The following RGS7BP variants were observed in gnomAD, a reference collection of about 807,000 sequenced individuals.
RGS7BP encodes regulator of G protein signaling 7 binding protein.
Under a neutral mutation model 31.3 loss-of-function variants are expected in RGS7BP, and 9 were observed. The ratio of observed to expected loss-of-function variants is 0.29; its 90% CI spans 0.17 to 0.50. The LOEUF is 0.50. Ranked by LOEUF, RGS7BP falls within the 20% of genes least tolerant of loss-of-function variation. RGS7BP has a pLI of 0.98. For synonymous variants in RGS7BP, 115 were observed against 120.1 expected (o/e 0.96, Z 0.28); for missense variants, 274 against 322.0 (o/e 0.85, Z 1.14).
chr5:64,551,420 G>A (rs905833640), intron 2 of RGS7BP, among the ~76,000 whole-genome samples: 1 of 151,264 alleles, frequency 6.6e-6, no homozygotes, highest in Non-Finnish European at 1.5e-5. Context: ...GTGCCATGAC[G>A]CCTGCTTAAT....
chr5:64,584,731 A>G (rs942474238), intron 3 of RGS7BP, among the ~76,000 whole-genome samples: 13 of 152,210 alleles, frequency 8.5e-5, no homozygotes, highest in African/African-American at 2.9e-4. Flanking sequence ...ATGGTTTTGT[A>G]TCTCTTCTGA....
intron 3 of RGS7BP, among the ~76,000 whole-genome samples, chr5:64,577,219 A>G (rs1258586840): frequency 1.3e-5 from 2 of 152,038 alleles, no homozygotes; most frequent in African/African-American, 2.4e-5. Flanking sequence ...CGGGCAGATC[A>G]CGAGGTCAGG....
At chr5:64,528,041 T>C (rs1749275863) in intron 2 of RGS7BP, among the ~76,000 whole-genome samples, 1 of 152,238 alleles carries the variant, frequency 6.6e-6, no homozygotes, top group African/African-American at 2.4e-5. Flanking sequence ...AGCTTTTATA[T>C]TTATTACGAA....
chr5:64,573,543 G>T (rs377031264), intron 2 of RGS7BP: 1 of 145,444 alleles, frequency 6.9e-6, no homozygotes, highest in East Asian at 1.9e-4. Context: ...GGTTTTAAAG[G>T]TTTTAAAAAA....
intron 2 of RGS7BP, among the ~76,000 whole-genome samples, chr5:64,525,733 G>C (rs904468984): frequency 6.6e-6 from 1 of 152,072 alleles, no homozygotes; most frequent in African/African-American, 2.4e-5. Flanking sequence ...TCTTGCCCAC[G>C]ACCCCACAGG....
At position 64,506,076 on chromosome 5, in the gene RGS7BP, A is replaced by T. The variant is rs1009331351; in HGVS notation, c.-549A>T. On this transcript the variant is annotated 5_prime_UTR_variant, in exon 1 of 6. In the 5' UTR this introduces an upstream ATG that the reference lacks. Transcript: ENST00000334025. This position sits in a 1 kb window ranked among gnomAD's most constrained non-coding sequence, Gnocchi z 4.6. ...ACAAGCCCTTAGAGACGAGGGATCA[A>T]GGCAGCCGATTAGAGCCAATTGCTT... 6.6e-6 allele frequency among the ~76,000 whole-genome samples: 1 copy of T among 152,164 alleles called. No individual in the cohort carries two copies. The highest frequency in any genetic ancestry group is 1.5e-5 in the Non-Finnish European group (1 of 68,034).
intron 3 of RGS7BP, among the ~76,000 whole-genome samples, chr5:64,589,031 C>T (rs1277637574): frequency 6.6e-6 from 1 of 152,080 alleles, no homozygotes; most frequent in Admixed American, 6.6e-5. Flanking sequence ...TACGGTGGCT[C>T]ATGCATGTAA....
In RGS7BP at chr5:64,583,120, G is replaced by C. The variant is rs147813791; in HGVS notation, c.463+7216G>C. Among the ~76,000 whole-genome samples the C allele has an allele frequency of 5.5e-3, 834 of 152,288 alleles. 6 individuals are homozygous for C. The highest frequency in any genetic ancestry group is 0.016 in the African/African-American group (670 of 41,562). ...CTGAAGAGGTAGGCCAGGCGCAGTG[G>C]CTCACTCCTGTAATCCCAGTACTTT... is the stretch of plus-strand genomic sequence containing the variant. On this transcript the variant is annotated intron_variant, in intron 3 of 5. Transcript: ENST00000334025.
chr5:64,601,039 A>G (rs1260370351), intron 5 of RGS7BP, among the ~76,000 whole-genome samples: 1 of 152,196 alleles, frequency 6.6e-6, no homozygotes, highest in African/African-American at 2.4e-5. Context: ...TACAGGTCTA[A>G]TATGTGCAGG....
chr5:64,526,631 C>T (rs187610099), intron 2 of RGS7BP, among the ~76,000 whole-genome samples: 3 of 152,264 alleles, frequency 2.0e-5, no homozygotes, highest in South Asian at 2.1e-4. Context: ...AGTCCTAGTC[C>T]GACTGATACC....
chr5:64,513,912 C>T (rs181263815), intron 2 of RGS7BP, among the ~76,000 whole-genome samples: 47 of 152,276 alleles, frequency 3.1e-4, no homozygotes, highest in Admixed American at 2.2e-3. Context: ...TTGCTAAGGC[C>T]GCCATAACAA....
intron 3 of RGS7BP, among the ~76,000 whole-genome samples, chr5:64,583,541 C>T (rs1477545011): frequency 2.0e-5 from 3 of 152,016 alleles, no homozygotes; most frequent in African/African-American, 7.2e-5. Flanking sequence ...AAATAAACAA[C>T]TTTTCTAAAA....
intron 2 of RGS7BP, chr5:64,539,841 G>T (rs562967763): frequency 3.3e-5 from 5 of 152,270 alleles, no homozygotes; most frequent in African/African-American, 1.2e-4. Flanking sequence ...ATTTGAGTTT[G>T]TGAACCCTTT....
intron 2 of RGS7BP, among the ~76,000 whole-genome samples, chr5:64,512,551 A>G (rs1748867698): frequency 6.6e-6 from 1 of 152,248 alleles, no homozygotes; most frequent in Non-Finnish European, 1.5e-5. Context: ...GGACCAGAGT[A>G]TATGGCATTG....
intron 3 of RGS7BP, among the ~76,000 whole-genome samples, chr5:64,578,753 G>A (rs143947665): frequency 1.3e-5 from 2 of 152,300 alleles, no homozygotes; most frequent in East Asian, 3.9e-4. Flanking sequence ...AATGTGATCT[G>A]TGTGATGGCT....
chr5:64,523,473 G>A (rs1290853386), intron 2 of RGS7BP, among the ~76,000 whole-genome samples: 1 of 152,208 alleles, frequency 6.6e-6, no homozygotes, highest in Non-Finnish European at 1.5e-5. Flanking sequence ...GTCTACCTCT[G>A]TTAATTACCA....
chr5:64,556,309 A>C (rs1741920642), intron 2 of RGS7BP, among the ~76,000 whole-genome samples: 1 of 148,442 alleles, frequency 6.7e-6, no homozygotes, highest in South Asian at 2.1e-4. Flanking sequence ...TTTCCTATTT[A>C]TGTTTTTCCA....
chr5:64,586,015 A>G (rs1237097175), intron 3 of RGS7BP, among the ~76,000 whole-genome samples: 2 of 152,182 alleles, frequency 1.3e-5, no homozygotes, highest in Non-Finnish European at 2.9e-5. Flanking sequence ...ATAAGAAATG[A>G]TTTTAAATGT....
rs529569768 is a variant in RGS7BP at position 64,568,109 on chromosome 5, C to T, written c.333-7665C>T. ...TTTAAAATACATATATATATCTTTA[C>T]ATACAAATATATTTAAATAAATACC... On this transcript the variant is annotated intron_variant, in intron 2 of 5. Coordinates refer to ENST00000334025, the MANE Select transcript of RGS7BP (RefSeq NM_001029875.3). Among the ~76,000 whole-genome samples the T allele has an allele frequency of 9.6e-4, 146 of 151,810 alleles. 1 individual carries two copies. Among genetic ancestry groups the T allele is most frequent in the African/African-American group, 3.3e-3 (136 of 41,492 alleles).
Sources: gnomAD v4.1 joint callset for allele counts (sites outside exome capture counted in the v4.1 genomes callset) on GRCh38, gnomAD v4.1.1 for gene constraint, Gnocchi (gnomAD v3.1) non-coding constraint, MANE v1.5 for transcripts, NCBI Gene and HGNC (gene_info 2026-07-23, HGNC 2026-07-21) for gene names.